Variants in TMEM192 observed in about 807,000 individuals in gnomAD.
TMEM192 encodes the protein transmembrane protein 192.
A neutral mutation model predicts 26.7 loss-of-function variants in TMEM192; 20 were observed. That is an observed-to-expected ratio of 0.75 (90% CI 0.53 to 1.09). TMEM192 has a LOEUF of 1.09. TMEM192 is among the 50% of genes least tolerant of loss of function. The probability of loss-of-function intolerance (pLI) is 0.00; values close to 1 mark genes in which losing one functional copy is unlikely to be tolerated. For synonymous variants in TMEM192, 124 were observed against 121.0 expected, an observed-to-expected ratio of 1.02 and a Z score of -0.16; for missense variants, 304 against 322.6, an observed-to-expected ratio of 0.94 and a Z score of 0.44.
chr4:165,092,506 T>C (rs2110763767), intron 3 of TMEM192, among the ~76,000 whole-genome samples: 1 of 152,314 alleles, frequency 6.6e-6, no homozygotes, highest in Non-Finnish European at 1.5e-5. Context: ...AAATATTACC[T>C]GTTTGCACCC....
At chr4:165,097,321 C>T (rs898803606) in intron 3 of TMEM192, among the ~76,000 whole-genome samples, 4 of 151,964 alleles carry the variant, frequency 2.6e-5, no homozygotes, top group South Asian at 4.2e-4. Context: ...GGTGAAACCC[C>T]GTCTCTACTA....
chr4:165,079,497 T>C lies in TMEM192; in HGVS notation c.*161A>G. On this transcript the variant is annotated 3_prime_UTR_variant, in exon 6 of 6. Coordinates refer to ENST00000306480, the MANE Select transcript of TMEM192 (RefSeq NM_001100389.2). ...TTCAAGTGACCCACAAGCCCTATAT[T>C]TTAAACAGCCACAGAAGTCAGAACC... The C allele has an allele frequency of 1.4e-6, 1 of 715,596 alleles. No individual in the cohort carries two copies. The highest frequency in any genetic ancestry group is 2.1e-6 in the Non-Finnish European group (1 of 469,304). 44.3% of individuals were successfully genotyped at this position (715,596 alleles called of 1,614,324 possible). A position where few individuals can be genotyped will look rare whatever the true frequency, so the allele number is the denominator to read the frequency against.
chr4:165,097,779 T>A (rs1734948281), intron 3 of TMEM192, among the ~76,000 whole-genome samples: 1 of 150,874 alleles, frequency 6.6e-6, no homozygotes, highest in African/African-American at 2.5e-5. Flanking sequence ...CACACATGAC[T>A]AATTTATTTA....
At chr4:165,107,383 C>G (rs976792651) in intron 1 of TMEM192, among the ~76,000 whole-genome samples, 1 of 151,528 alleles carries the variant, frequency 6.6e-6, no homozygotes, top group Non-Finnish European at 1.5e-5. Context: ...GTCACCCAGG[C>G]TGGAGAACAG....
At chr4:165,096,480 G>C (rs1734906817) in intron 3 of TMEM192, among the ~76,000 whole-genome samples, 1 of 151,752 alleles carries the variant, frequency 6.6e-6, no homozygotes, top group African/African-American at 2.4e-5. Context: ...TTTTCACTTG[G>C]TAGGAAAGCA....
chr4:165,080,423 T>G (rs949391331), intron 5 of TMEM192, among the ~76,000 whole-genome samples: 4 of 152,168 alleles, frequency 2.6e-5, no homozygotes, highest in Non-Finnish European at 5.9e-5. Context: ...TTTAAGATAT[T>G]AGTACTAGGA....
rs1177287687 is a variant in TMEM192 at position 165,082,739 on chromosome 4, A to AT, written c.677+2846dup. On this transcript the variant is annotated intron_variant, in intron 5 of 5. Coordinates refer to ENST00000306480, the MANE Select transcript of TMEM192 (RefSeq NM_001100389.2). ...AAAGTAAAAGAGGAATATAAACTGA[A>AT]TTTTTTTTTTTTTGGAACAAAGTTT... is the stretch of plus-strand genomic sequence containing the variant. Among the ~76,000 whole-genome samples, 100 of 35,444 alleles carry AT rather than the reference A, an allele frequency of 2.8e-3. 30 individuals are homozygous for AT. Among genetic ancestry groups the AT allele is most frequent in the East Asian group, 4.3e-3 (2 of 468 alleles). 23.3% of individuals were successfully genotyped at this position (35,444 alleles called of 152,430 possible). A position where few individuals can be genotyped will look rare whatever the true frequency, so the allele number is the denominator to read the frequency against.
intron 3 of TMEM192, among the ~76,000 whole-genome samples, chr4:165,099,685 G>A (rs754391085): frequency 3.3e-5 from 5 of 152,166 alleles, no homozygotes; most frequent in Non-Finnish European, 5.9e-5. Context: ...GCTCACACCT[G>A]TAATCCTAGA....
intron 4 of TMEM192, 68 bp from the exon 5 acceptor site, chr4:165,085,756 T>C: frequency 8.5e-7 from 1 of 1,178,376 alleles, no homozygotes; most frequent in African/African-American, 1.5e-5. Flanking sequence ...TTTCAAATTA[T>C]GCTAATTTGC....
chr4:165,104,820 C>T (rs767827979), intron 1 of TMEM192, among the ~76,000 whole-genome samples: 38 of 152,102 alleles, frequency 2.5e-4, no homozygotes, highest in Non-Finnish European at 5.9e-5. Flanking sequence ...CATGAGCCAC[C>T]GCGCCTGGCC....
At chr4:165,080,719 TA>T (rs1553987858) in intron 5 of TMEM192, among the ~76,000 whole-genome samples, 1 of 152,086 alleles carries the variant, frequency 6.6e-6, no homozygotes, top group Non-Finnish European at 1.5e-5. Flanking sequence ...ACATTACTAT[TA>T]TTATTATTTT....
At chr4:165,090,247 G>A (rs1006411495) in intron 3 of TMEM192, among the ~76,000 whole-genome samples, 2 of 149,974 alleles carry the variant, frequency 1.3e-5, no homozygotes, top group East Asian at 3.9e-4. Flanking sequence ...ATGCATGGTG[G>A]CAGGACACGC....
chr4:165,088,352 TG>T, intron 4 of TMEM192, 115 bp downstream of exon 4: 2 of 930,890 alleles, frequency 2.1e-6, no homozygotes, highest in South Asian at 2.3e-5. Flanking sequence ...AGTCTGCATG[TG>T]GTCACCACTC....
intron 3 of TMEM192, among the ~76,000 whole-genome samples, chr4:165,092,735 A>C (rs1734796110): frequency 6.6e-6 from 1 of 152,010 alleles, no homozygotes; most frequent in Non-Finnish European, 1.5e-5. Context: ...ATACAAAAGA[A>C]ATGATTGTGA....
chr4:165,094,581 C>T (rs1014384090), intron 3 of TMEM192, among the ~76,000 whole-genome samples: 5 of 151,372 alleles, frequency 3.3e-5, no homozygotes, highest in Non-Finnish European at 5.9e-5. Flanking sequence ...CGCTTGAACC[C>T]GGGAGGCGGT....
rs568073801 is a variant in TMEM192 at position 165,088,082 on chromosome 4, T to C, written c.574+386A>G. Reference sequence around the variant, plus strand: ...GCACCACCATACCTGGCTAATTTTTTGTATTTTTTGTAGAGATGGAGTTTC... The same window carrying C: ...GCACCACCATACCTGGCTAATTTTTCGTATTTTTTGTAGAGATGGAGTTTC... On this transcript the variant is annotated intron_variant, in intron 4 of 5. Coordinates refer to ENST00000306480, the MANE Select transcript of TMEM192 (RefSeq NM_001100389.2). Among the ~76,000 whole-genome samples, 3 of 152,216 alleles carry C rather than the reference T, an allele frequency of 2.0e-5. No homozygotes were observed. In the East Asian group the frequency reaches 5.8e-4, roughly 29 times the overall value.
At chr4:165,079,904 C>T (rs533933004) in intron 5 of TMEM192, 108 bp from the exon 6 acceptor site, 1 of 1,072,984 alleles carries the variant, frequency 9.3e-7, no homozygotes, top group Non-Finnish European at 1.2e-6. Flanking sequence ...GTATTTGCCA[C>T]CTTTTCTTAG....
In TMEM192 at chr4:165,092,086, C is replaced by CAATGCTGTTCTTTCTT. The variant is rs1259644648; in HGVS notation, c.440-3500_440-3485dup. Reference sequence around the variant, plus strand: ...AATGGGGATAACAGTACCTTTCTCACAATGCTGTTCTTTCTTAATGCTGTT... The same window carrying CAATGCTGTTCTTTCTT: ...AATGGGGATAACAGTACCTTTCTCACAATGCTGTTCTTTCTTAATGCTGTTCTTTCTTAATGCTGTT... On this transcript the variant is annotated intron_variant, in intron 3 of 5. Coordinates refer to ENST00000306480, the MANE Select transcript of TMEM192 (RefSeq NM_001100389.2). Among the ~76,000 whole-genome samples the CAATGCTGTTCTTTCTT allele has an allele frequency of 3.1e-4, 45 of 145,608 alleles. 1 individual carries two copies. Among genetic ancestry groups the CAATGCTGTTCTTTCTT allele is most frequent in the African/African-American group, 1.1e-3 (43 of 39,290 alleles).
At position 165,085,704 on chromosome 4, in the gene TMEM192, C is replaced by G; in HGVS notation, c.575-16G>C. On this transcript the variant is annotated splice_polypyrimidine_tract_variant and intron_variant, in intron 4 of 5. Transcript: ENST00000306480. ...CGGATTTTCACTAAAATAATAAAGT[C>G]ATTATTAGATCGAATTCTGAAAGAC... 1 of 1,518,582 alleles carries G rather than the reference C, an allele frequency of 6.6e-7. No homozygotes were observed. 94.1% of individuals were successfully genotyped at this position (1,518,582 alleles called of 1,614,324 possible).
Sources: gnomAD v4.1 joint callset for allele counts (sites outside exome capture counted in the v4.1 genomes callset) on GRCh38, gnomAD v4.1.1 for gene constraint, MANE v1.5 for transcripts, NCBI Gene and HGNC (gene_info 2026-07-23, HGNC 2026-07-21) for gene names.